DIP2B: variants seen among roughly 807,000 people sequenced by gnomAD.
The protein encoded by DIP2B is disco-interacting protein 2 homolog B.
DIP2B carries 76 observed loss-of-function variants against 198.0 expected under a neutral mutation model. The ratio of observed to expected loss-of-function variants is 0.38; its 90% CI spans 0.32 to 0.46. DIP2B has a LOEUF of 0.46. Among genes scored for constraint, DIP2B ranks in the 20% least tolerant of loss-of-function variants. The probability of loss-of-function intolerance (pLI) is 0.99; values close to 1 mark genes in which losing one functional copy is unlikely to be tolerated. For missense variants in DIP2B, 1,559 were observed against 1,978.4 expected (o/e 0.79, Z 4.02); for synonymous variants, 701 against 739.1 (o/e 0.95, Z 0.84).
At chr12:50,601,627 C>T (rs975412757) in intron 1 of DIP2B, among the ~76,000 whole-genome samples, 3 of 152,228 alleles carry the variant, frequency 2.0e-5, no homozygotes, top group East Asian at 3.9e-4. Context: ...CGTGAGCCAC[C>T]GCGCCCGGCA....
At chr12:50,593,734 T>TCC (rs1958845133) in intron 1 of DIP2B, among the ~76,000 whole-genome samples, 5 of 3,446 alleles carry the variant, frequency 1.5e-3, no homozygotes, top group Non-Finnish European at 1.7e-3. Context: ...TCCTCTCCTC[T>TCC]CCTCTCCTCT....
intron 10 of DIP2B, among the ~76,000 whole-genome samples, chr12:50,684,107 ACT>A: frequency 6.6e-6 from 1 of 152,168 alleles, no homozygotes; most frequent in Non-Finnish European, 1.5e-5. Flanking sequence ...GGCAAGCAAG[ACT>A]CTGTTTCAGA....
At chr12:50,699,724 A>G (rs1236888786) in intron 19 of DIP2B, among the ~76,000 whole-genome samples, 2 of 152,014 alleles carry the variant, frequency 1.3e-5, no homozygotes, top group African/African-American at 2.4e-5. Flanking sequence ...TTAGCCAGAC[A>G]TGGTGGTGCA....
intron 1 of DIP2B, among the ~76,000 whole-genome samples, chr12:50,609,834 CGCTTGGCTTTTAT>C: frequency 1.3e-5 from 2 of 152,210 alleles, no homozygotes; most frequent in Non-Finnish European, 2.9e-5. Context: ...TTTTCTTTTA[CGCTTGGCTTTTAT>C]AATGATGTGT....
At position 50,685,143 on chromosome 12, in the gene DIP2B, TAAC is replaced by T. The variant is rs1477324199; in HGVS notation, c.1318-688_1318-686del. Among the ~76,000 whole-genome samples, 11 of 152,152 alleles carry T rather than the reference TAAC, an allele frequency of 7.2e-5. 1 individual carries two copies. The highest frequency in any genetic ancestry group is 1.3e-4 in the Non-Finnish European group (9 of 68,012). ...CTGAAAGGAATAAAAAACAAATTGA[TAAC>T]ATCCCCTAATCTCTAGTTGTTGGGA... On this transcript the variant is annotated intron_variant, in intron 10 of 37. Transcript: ENST00000301180.
At chr12:50,744,442 T>G in intron 37 of DIP2B, 145 bp from the exon 38 acceptor site, 1 of 979,704 alleles carries the variant, frequency 1.0e-6, no homozygotes, top group Non-Finnish European at 1.5e-6. Flanking sequence ...AATTGAAAGG[T>G]GTCATATATG....
At chr12:50,683,094 T>C (rs374967101) in intron 9 of DIP2B, 44 bp from the exon 10 acceptor site, 4 of 1,464,258 alleles carry the variant, frequency 2.7e-6, no homozygotes, top group Non-Finnish European at 3.8e-6. Context: ...AGCATTAGTA[T>C]GTTTTTATTC....
intron 1 of DIP2B, among the ~76,000 whole-genome samples, chr12:50,548,862 G>A (rs889550170): frequency 6.6e-6 from 1 of 152,110 alleles, no homozygotes; most frequent in Non-Finnish European, 1.5e-5. Context: ...ACTAAGAGGT[G>A]TTTTTCTGCA....
intron 7 of DIP2B, among the ~76,000 whole-genome samples, chr12:50,677,089 A>C (rs574173440): frequency 6.6e-5 from 10 of 152,198 alleles, no homozygotes. Flanking sequence ...TTTGTTGCTC[A>C]TTCTGTCCCT....
chr12:50,671,295 T>A lies in DIP2B; in HGVS notation c.537T>A (p.Ile179=), dbSNP rs779390040. 751 of 1,614,060 alleles carry A rather than the reference T, an allele frequency of 4.7e-4. No homozygotes were observed. The highest frequency in any genetic ancestry group is 6.2e-4 in the Non-Finnish European group (735 of 1,180,040). The stretch of plus-strand genomic sequence containing the variant: ...CTGAGTCCTGGATCAACCGTTCAAT[T>A]CAGGGATCGTCCACTTCTTCATCCG... The part of the protein sequence containing the change: ...QNAESWINRS[I]QGSSTSSSAS... The change falls in exon 5 of 38, where the codon ATT becomes ATA. Residue 179 remains isoleucine, a synonymous_variant. Transcript: ENST00000301180.
chr12:50,617,009 T>G (rs1024425895), intron 1 of DIP2B, among the ~76,000 whole-genome samples: 2 of 152,270 alleles, frequency 1.3e-5, no homozygotes, highest in African/African-American at 4.8e-5. Flanking sequence ...ACTCCCCATC[T>G]CCAGCCATAG....
intron 25 of DIP2B, 150 bp from the exon 26 acceptor site, chr12:50,721,123 T>C (rs1055516636): frequency 2.4e-6 from 3 of 1,227,572 alleles, no homozygotes; most frequent in Non-Finnish European, 3.3e-6. Context: ...ACGTCTTTGA[T>C]GCTAAGGGAA....
intron 4 of DIP2B, among the ~76,000 whole-genome samples, chr12:50,660,834 G>A (rs1050649219): frequency 3.9e-5 from 6 of 152,132 alleles, no homozygotes; most frequent in Admixed American, 6.6e-5. Context: ...ACGTATATAA[G>A]TGTGTTTATG....
chr12:50,590,589 C>G (rs542648389), intron 1 of DIP2B, among the ~76,000 whole-genome samples: 1 of 152,032 alleles, frequency 6.6e-6, no homozygotes, highest in African/African-American at 2.4e-5. Context: ...AGGCTGGTCT[C>G]GAACTCTTGA....
intron 2 of DIP2B, among the ~76,000 whole-genome samples, chr12:50,632,745 C>T (rs2139478379): frequency 6.6e-6 from 1 of 151,834 alleles, no homozygotes; most frequent in East Asian, 2.0e-4. Context: ...CCATGTTGGC[C>T]AGGCTGGTCT....
intron 18 of DIP2B, 125 bp from the exon 19 acceptor site, chr12:50,698,941 T>G: frequency 9.9e-7 from 1 of 1,012,670 alleles, no homozygotes; most frequent in Non-Finnish European, 1.4e-6. Context: ...AGCATTCCTG[T>G]CTGGTATTTT....
At chr12:50,646,481 G>A (rs563663401) in intron 3 of DIP2B, among the ~76,000 whole-genome samples, 1 of 150,106 alleles carries the variant, frequency 6.7e-6, no homozygotes, top group Non-Finnish European at 1.5e-5. Context: ...GAATGCAGTG[G>A]TGCTATCTTG....
chr12:50,563,498 T>TA (rs1958537624), intron 1 of DIP2B, among the ~76,000 whole-genome samples: 1 of 150,700 alleles, frequency 6.6e-6, no homozygotes, highest in South Asian at 2.1e-4. Context: ...TTTTTTTTTT[T>TA]TTTTTTTTTT....
intron 1 of DIP2B, among the ~76,000 whole-genome samples, chr12:50,564,262 G>A (rs1248076284): frequency 6.6e-6 from 1 of 152,048 alleles, no homozygotes; most frequent in African/African-American, 2.4e-5. Flanking sequence ...TAAATGATTT[G>A]TTCTTTCGGT....
Sources: gnomAD v4.1 joint callset for allele counts (sites outside exome capture counted in the v4.1 genomes callset) on GRCh38, gnomAD v4.1.1 for gene constraint, MANE v1.5 for transcripts, NCBI Gene and HGNC (gene_info 2026-07-23, HGNC 2026-07-21) for gene names.